NT5C1B: variants seen among roughly 807,000 people sequenced by gnomAD.
NT5C1B encodes the protein cytosolic 5'-nucleotidase 1B.
A neutral mutation model predicts 57.8 loss-of-function variants in NT5C1B; 44 were observed. That is an observed-to-expected ratio of 0.76 (90% CI 0.60 to 0.98). NT5C1B has a LOEUF of 0.98. Ranked by LOEUF, NT5C1B falls within the 50% of genes least tolerant of loss-of-function variation. NT5C1B has a pLI of 0.00. For synonymous variants in NT5C1B, 284 were observed against 282.6 expected, an observed-to-expected ratio of 1.00 and a Z score of -0.05; for missense variants, 742 against 719.5, an observed-to-expected ratio of 1.03 and a Z score of -0.36.
chr2:18,584,673 C>A lies in NT5C1B; in HGVS notation c.564G>T (p.Gln188His), dbSNP rs1666520121. Residue 188 changes from glutamine to histidine, a missense_variant, in exon 4 of 9, where the codon CAG becomes CAT. Physicochemically the swap from Gln to His is conservative, Grantham distance 24. Transcript: ENST00000304081. The surrounding 1 kb of genome is among the most constrained non-coding windows in gnomAD (Gnocchi z 5.8). ...TGGAGGCGGGGTAGATCCCCCTGCG[C>A]TGGCTGGAGGACTTCCACTCGGTGG... 2 of 1,612,300 alleles carry A rather than the reference C, an allele frequency of 1.2e-6. No homozygotes were observed. Among genetic ancestry groups the A allele is most frequent in the African/African-American group, 1.3e-5 (1 of 74,900 alleles).
chr2:18,584,541 C>A lies in NT5C1B; in HGVS notation c.696G>T (p.Lys232Asn). 3.7e-6 allele frequency: 6 copies of A among 1,612,056 alleles called. No individual in the cohort carries two copies. Among genetic ancestry groups the A allele is most frequent in the Non-Finnish European group, 5.1e-6 (6 of 1,179,286 alleles). The change falls in exon 4 of 9, where the codon AAG (lysine) becomes AAT (asparagine). Residue 232 changes from lysine (K) to asparagine (N), a missense_variant. Transcript: ENST00000304081. This position sits in a 1 kb window ranked among gnomAD's most constrained non-coding sequence, Gnocchi z 5.8. Reference sequence around the variant, plus strand: ...GCCAGGGGCGCGAGCAGCTCGGGTTCTTCTCGTAGAACGACCTCATGGATG... The same window carrying A: ...GCCAGGGGCGCGAGCAGCTCGGGTTATTCTCGTAGAACGACCTCATGGATG...
intron 6 of NT5C1B, among the ~76,000 whole-genome samples, chr2:18,578,207 T>C (rs553377895): frequency 8.3e-4 from 127 of 152,236 alleles, no homozygotes; most frequent in Admixed American, 4.3e-3. Flanking sequence ...GAAGAACTGG[T>C]ATGAATCCTA....
At chr2:18,579,471 C>A (rs1665990882) in intron 6 of NT5C1B, among the ~76,000 whole-genome samples, 1 of 152,018 alleles carries the variant, frequency 6.6e-6, no homozygotes, top group African/African-American at 2.4e-5. Context: ...GTTAGAAAAC[C>A]CAGAAATAAA....
intron 6 of NT5C1B, among the ~76,000 whole-genome samples, 185 bp downstream of exon 6, chr2:18,582,683 G>T (rs942766798): frequency 1.3e-5 from 2 of 152,220 alleles, no homozygotes; most frequent in Non-Finnish European, 2.9e-5. Context: ...GCCCAACTCT[G>T]TGCTGAAGTT....
chr2:18,589,503 A>G (rs766957526), exon 1 of NT5C1B: 2 of 1,613,740 alleles, frequency 1.2e-6, no homozygotes, highest in Non-Finnish European at 8.5e-7. Flanking sequence ...GTTGTTATCC[A>G]CATTTTTGTC....
At chr2:18,589,216 T>C (rs1225683822) in intron 1 of NT5C1B, among the ~76,000 whole-genome samples, 1 of 152,260 alleles carries the variant, frequency 6.6e-6, no homozygotes, top group Non-Finnish European at 1.5e-5. Context: ...CTACACGTTT[T>C]TTAATCTCTT....
chr2:18,589,317 T>C, intron 1 of NT5C1B, 122 bp downstream of exon 1: 1 of 1,338,774 alleles, frequency 7.5e-7, no homozygotes, highest in Non-Finnish European at 1.1e-6. Context: ...TCTTTTCCTC[T>C]ACCTGAAGCC....
chr2:18,572,404 G>A (rs1433621855), intron 8 of NT5C1B, among the ~76,000 whole-genome samples: 1 of 152,136 alleles, frequency 6.6e-6, no homozygotes, highest in African/African-American at 2.4e-5. Flanking sequence ...TCTTATATAT[G>A]ACATTAAAAG....
intron 2 of NT5C1B, chr2:18,586,595 G>A: frequency 2.5e-6 from 2 of 807,748 alleles, no homozygotes. Flanking sequence ...GAGCATCTAT[G>A]TGGGGGTCCA....
rs757547617 is a variant in NT5C1B at position 18,587,129 on chromosome 2, G to C, written c.120+374C>G. Reference sequence around the variant, plus strand: ...GTCTACACGACGAGTGACCCTGGAAGGGGCAACATCTCAGCGAGTGATTCG... The same window carrying C: ...GTCTACACGACGAGTGACCCTGGAACGGGCAACATCTCAGCGAGTGATTCG... On this transcript the variant is annotated intron_variant, in intron 2 of 8. Transcript: ENST00000304081. The C allele has an allele frequency of 2.5e-6, 4 of 1,614,076 alleles. No individual in the cohort carries two copies. The South Asian group carries it at 4.4e-5, about 18-fold the overall frequency.
chr2:18,567,934 A>G (rs549383757), intron 8 of NT5C1B, among the ~76,000 whole-genome samples: 150 of 152,322 alleles, frequency 9.8e-4, no homozygotes, highest in Non-Finnish European at 1.8e-3. Flanking sequence ...ATGGAACTAT[A>G]TAAAGAGTGC....
intron 2 of NT5C1B, chr2:18,586,703 C>T: frequency 3.5e-6 from 2 of 576,814 alleles, no homozygotes; most frequent in East Asian, 6.4e-5. Context: ...CCTCCCTTTT[C>T]CTCACTTCTT....
intron 8 of NT5C1B, among the ~76,000 whole-genome samples, chr2:18,572,352 A>C (rs1032371502): frequency 2.6e-5 from 4 of 152,192 alleles, no homozygotes; most frequent in African/African-American, 7.2e-5. Context: ...CTATATAAAA[A>C]GTCTGGAGAT....
chr2:18,588,903 C>T (rs1666959011), intron 1 of NT5C1B, among the ~76,000 whole-genome samples: 1 of 152,198 alleles, frequency 6.6e-6, no homozygotes, highest in South Asian at 2.1e-4. Flanking sequence ...CTATGTTCTA[C>T]TAATACCAAG....
rs59799495 is a variant in NT5C1B at position 18,571,718 on chromosome 2, GTATATATATATATATATATATATA to G, written c.1329+4442_1329+4465del. ...TCTCTCTCTTTCTCTCTGTGTGTGTGTATATATATATATATATATATATATATATATATATATATATATATATGT... is the reference window on the plus strand; with the variant it reads ...TCTCTCTCTTTCTCTCTGTGTGTGTGTATATATATATATATATATATATGT... On this transcript the variant is annotated intron_variant, in intron 8 of 8. Coordinates refer to ENST00000304081, the Ensembl canonical transcript of NT5C1B. Among the ~76,000 whole-genome samples, 1,180 of 111,482 alleles carry G rather than the reference GTATATATATATATATATATATATA, an allele frequency of 0.011. 79 individuals carry two copies. In the East Asian group the frequency reaches 0.24, roughly 23 times the overall value. The allele number at this position is 111,482 out of a possible 152,430, so 73.1% of individuals were successfully genotyped here. A position where few individuals can be genotyped will look rare whatever the true frequency, so the allele number is the denominator to read the frequency against.
chr2:18,581,678 C>A (rs1666198840), intron 6 of NT5C1B, among the ~76,000 whole-genome samples: 1 of 151,930 alleles, frequency 6.6e-6, no homozygotes, highest in South Asian at 2.1e-4. Flanking sequence ...AATTTCATCA[C>A]CCAGAAATTA....
chr2:18,584,183 T>C lies in NT5C1B; in HGVS notation c.796A>G (p.Ile266Val), dbSNP rs370362544. The change falls in exon 5 of 9, where the codon ATC becomes GTC. Residue 266 changes from isoleucine (I) to valine (V), a missense_variant. By Grantham distance (29) the Ile-to-Val change is conservative. Transcript: ENST00000304081. This position sits in a 1 kb window ranked among gnomAD's most constrained non-coding sequence, Gnocchi z 5.8. ...TTTTCCAGACCCTCTTGCTCGTAGATTTTCCTGCCGTCCACCATGTTGAAG... is the reference window on the plus strand; with the variant it reads ...TTTTCCAGACCCTCTTGCTCGTAGACTTTCCTGCCGTCCACCATGTTGAAG... The C allele has an allele frequency of 6.6e-5, 106 of 1,613,990 alleles. 1 individual carries two copies. The highest frequency in any genetic ancestry group is 6.5e-4 in the East Asian group (29 of 44,880).
intron 8 of NT5C1B, among the ~76,000 whole-genome samples, chr2:18,570,511 G>A (rs879270493): frequency 4.6e-5 from 7 of 151,956 alleles, no homozygotes; most frequent in South Asian, 2.1e-4. Context: ...CTTGAAAAAT[G>A]CAAGCTCATA....
At chr2:18,576,853 G>T (rs746074589) in exon 7 of NT5C1B, 3 of 1,613,680 alleles carry the variant, frequency 1.9e-6, no homozygotes, top group South Asian at 2.2e-5. Context: ...ATAGCCAATG[G>T]GGTCTTTTCC....
Sources: allele counts gnomAD v4.1 joint callset (sites outside exome capture counted in the v4.1 genomes callset), GRCh38; gene constraint gnomAD v4.1.1; non-coding constraint Gnocchi (gnomAD v3.1); transcripts MANE v1.5; gene names NCBI Gene and HGNC (gene_info 2026-07-23, HGNC 2026-07-21).